Variants in SORCS2 observed in about 807,000 individuals in gnomAD.
SORCS2 encodes sortilin related VPS10 domain containing receptor 2, also known as VPS10 domain-containing receptor SorCS2.
Under a neutral mutation model 141.6 loss-of-function variants are expected in SORCS2, and 100 were observed. The observed-to-expected ratio is 0.71, with a 90% CI of 0.60 to 0.83. SORCS2 has a LOEUF of 0.83. SORCS2 is among the 40% of genes least tolerant of loss of function. The pLI is 0.00. For synonymous variants in SORCS2, 789 were observed against 676.9 expected, an observed-to-expected ratio of 1.17 and a Z score of -2.57; for missense variants, 1,646 against 1,560.2, an observed-to-expected ratio of 1.05 and a Z score of -0.93.
intron 1 of SORCS2, among the ~76,000 whole-genome samples, chr4:7,263,938 A>G (rs190003738): frequency 3.6e-4 from 55 of 152,246 alleles, no homozygotes; most frequent in African/African-American, 1.3e-3. Flanking sequence ...AACTTCATTC[A>G]TTCACTCACT....
At chr4:7,597,186 T>C (rs1717326416) in intron 3 of SORCS2, among the ~76,000 whole-genome samples, 1 of 149,534 alleles carries the variant, frequency 6.7e-6, no homozygotes, top group Non-Finnish European at 1.5e-5. Context: ...GGAGGGGCTA[T>C]TACAATGGAA....
intron 3 of SORCS2, among the ~76,000 whole-genome samples, chr4:7,598,891 C>T (rs922472762): frequency 2.6e-5 from 4 of 152,166 alleles, no homozygotes; most frequent in Non-Finnish European, 4.4e-5. Context: ...GTGTCACTGC[C>T]GCAGCACGAG....
chr4:7,655,326 G>A (rs1378601947), intron 5 of SORCS2, among the ~76,000 whole-genome samples: 2 of 152,166 alleles, frequency 1.3e-5, no homozygotes, highest in Admixed American at 6.5e-5. Flanking sequence ...AAAAACACAC[G>A]GAAAGGGCTT....
At chr4:7,702,566 C>T (rs1417605126) in intron 12 of SORCS2, among the ~76,000 whole-genome samples, 1 of 152,230 alleles carries the variant, frequency 6.6e-6, no homozygotes, top group Non-Finnish European at 1.5e-5. Flanking sequence ...TGAGCCCTGT[C>T]CAGGCCACCC....
intron 2 of SORCS2, among the ~76,000 whole-genome samples, chr4:7,483,508 C>T (rs994342945): frequency 4.6e-5 from 7 of 152,004 alleles, no homozygotes; most frequent in Admixed American, 6.6e-5. Flanking sequence ...GTTGACGCCT[C>T]GATTTGGGAC....
intron 2 of SORCS2, among the ~76,000 whole-genome samples, chr4:7,401,294 GATAA>G (rs1190129727): frequency 6.6e-6 from 1 of 152,148 alleles, no homozygotes; most frequent in African/African-American, 2.4e-5. Context: ...TTGATGGATT[GATAA>G]ATGGATGGAT....
At chr4:7,426,043 T>C (rs1163211614) in intron 2 of SORCS2, among the ~76,000 whole-genome samples, 1 of 152,186 alleles carries the variant, frequency 6.6e-6, no homozygotes, top group Non-Finnish European at 1.5e-5. Context: ...TGCCCCGGGA[T>C]GCTGGAGGCG....
chr4:7,278,409 T>G (rs6814319), intron 1 of SORCS2, among the ~76,000 whole-genome samples: 12 of 151,892 alleles, frequency 7.9e-5, no homozygotes, highest in Non-Finnish European at 1.5e-4. Flanking sequence ...TGAGAGGGGG[T>G]GGGGGGCAGA....
At chr4:7,528,383 A>G (rs957096647) in intron 2 of SORCS2, among the ~76,000 whole-genome samples, 8 of 147,794 alleles carry the variant, frequency 5.4e-5, no homozygotes, top group African/African-American at 2.0e-4. Flanking sequence ...GGGGCTTCCT[A>G]GGCACTGGCA....
At chr4:7,468,099 C>T (rs1048197440) in intron 2 of SORCS2, among the ~76,000 whole-genome samples, 3 of 152,262 alleles carry the variant, frequency 2.0e-5, no homozygotes, top group Non-Finnish European at 4.4e-5. Context: ...CAACTGTCCC[C>T]TGCAAGGCAC....
At chr4:7,248,145 G>GC (rs1410680196) in intron 1 of SORCS2, among the ~76,000 whole-genome samples, 1 of 152,192 alleles carries the variant, frequency 6.6e-6, no homozygotes, top group Non-Finnish European at 1.5e-5. Flanking sequence ...ACTGTGTGTG[G>GC]CCCCCCTACC....
At chr4:7,370,875 C>A (rs1235806141) in intron 1 of SORCS2, among the ~76,000 whole-genome samples, 2 of 152,198 alleles carry the variant, frequency 1.3e-5, no homozygotes, top group East Asian at 3.9e-4. Flanking sequence ...CAGCTGCCTG[C>A]CTAGCACGTC....
chr4:7,498,364 G>A (rs1048114581), intron 2 of SORCS2, among the ~76,000 whole-genome samples: 2 of 152,248 alleles, frequency 1.3e-5, no homozygotes, highest in Non-Finnish European at 2.9e-5. Context: ...CCTGCCCAGA[G>A]GCTGTGTTCC....
intron 1 of SORCS2, among the ~76,000 whole-genome samples, chr4:7,379,439 G>A (rs544301438): frequency 6.6e-6 from 1 of 152,352 alleles, no homozygotes; most frequent in African/African-American, 2.4e-5. Context: ...GCCTTCGGGA[G>A]TGGGGGCGCC....
intron 1 of SORCS2, among the ~76,000 whole-genome samples, chr4:7,359,022 G>A (rs930399125): frequency 2.6e-5 from 4 of 152,190 alleles, no homozygotes; most frequent in Non-Finnish European, 5.9e-5. Context: ...AAATTTTGTG[G>A]CCAGGTGCAG....
At chr4:7,258,935 T>C (rs1714123561) in intron 1 of SORCS2, among the ~76,000 whole-genome samples, 1 of 152,236 alleles carries the variant, frequency 6.6e-6, no homozygotes, top group East Asian at 1.9e-4. Flanking sequence ...TTTTGAGAAG[T>C]GTCTGTTCAT....
intron 2 of SORCS2, among the ~76,000 whole-genome samples, chr4:7,496,643 C>T (rs928685680): frequency 2.6e-5 from 4 of 151,718 alleles, no homozygotes; most frequent in South Asian, 2.1e-4. Context: ...GGAGAGTGGC[C>T]GGGAGAAAGG....
At chr4:7,229,868 G>A (rs1427695500) in intron 1 of SORCS2, among the ~76,000 whole-genome samples, 1 of 149,210 alleles carries the variant, frequency 6.7e-6, no homozygotes, top group Non-Finnish European at 1.5e-5. Flanking sequence ...TCGAGTGTCT[G>A]GGCAGGAGCA....
At chr4:7,724,274 G>A (rs916105883) in intron 19 of SORCS2, among the ~76,000 whole-genome samples, 2 of 132,972 alleles carry the variant, frequency 1.5e-5, no homozygotes, top group African/African-American at 3.3e-5. Context: ...GGTGATGATG[G>A]TGGTGGTGGT....
Sources: allele counts gnomAD v4.1 joint callset (sites outside exome capture counted in the v4.1 genomes callset), GRCh38; gene constraint gnomAD v4.1.1; transcripts MANE v1.5; gene names NCBI Gene and HGNC (gene_info 2026-07-23, HGNC 2026-07-21).